The following MAPK8 variants were observed in gnomAD, a reference collection of about 807,000 sequenced individuals.
MAPK8 encodes JUN N-terminal kinase.
MAPK8 carries 13 observed loss-of-function variants against 52.9 expected under a neutral mutation model. The observed-to-expected ratio is 0.25, with a 90% CI of 0.16 to 0.39. The LOEUF (loss-of-function observed/expected upper bound fraction) is 0.39, where lower values mean the gene tolerates loss of function less well. Among genes scored for constraint, MAPK8 ranks in the 10% least tolerant of loss-of-function variants. The pLI, the probability that MAPK8 is intolerant of heterozygous loss-of-function variation, is 1.00. For synonymous variants in MAPK8, 191 were observed against 169.8 expected (o/e 1.12, Z -0.97); for missense variants, 300 against 519.2 (o/e 0.58, Z 4.10).
intron 1 of MAPK8, among the ~76,000 whole-genome samples, chr10:48,394,675 A>G (rs1278131187): frequency 6.6e-6 from 1 of 151,948 alleles, no homozygotes; most frequent in Admixed American, 6.6e-5. Context: ...CTCTCTTAAG[A>G]TCATGAACAG....
At chr10:48,366,787 T>G (rs751800371) in intron 1 of MAPK8, among the ~76,000 whole-genome samples, 14 of 152,184 alleles carry the variant, frequency 9.2e-5, no homozygotes, top group African/African-American at 3.1e-4. Flanking sequence ...TGAAAAATTT[T>G]TTTTCTTTTT....
intron 1 of MAPK8, among the ~76,000 whole-genome samples, chr10:48,396,751 C>T (rs1299444014): frequency 6.6e-6 from 1 of 152,066 alleles, no homozygotes; most frequent in Non-Finnish European, 1.5e-5. Flanking sequence ...TATACCAACA[C>T]CTTGGAGAAT....
intron 1 of MAPK8, among the ~76,000 whole-genome samples, chr10:48,396,707 A>G (rs1319985697): frequency 6.6e-6 from 1 of 152,238 alleles, no homozygotes; most frequent in East Asian, 1.9e-4. Context: ...CATACAATGA[A>G]TAATATTCAG....
chr10:48,415,272 C>T (rs998706516), intron 5 of MAPK8, among the ~76,000 whole-genome samples: 6 of 151,962 alleles, frequency 3.9e-5, no homozygotes, highest in Admixed American at 6.6e-5. Flanking sequence ...GTCCTTAGAC[C>T]GGGGCAGTAA....
chr10:48,412,410 C>G (rs1230523928), intron 5 of MAPK8, among the ~76,000 whole-genome samples: 1 of 151,956 alleles, frequency 6.6e-6, no homozygotes, highest in African/African-American at 2.4e-5. Flanking sequence ...TGGAAGGAAG[C>G]TAAAAAGAAA....
intron 1 of MAPK8, among the ~76,000 whole-genome samples, chr10:48,353,857 C>G (rs1487202102): frequency 6.6e-6 from 1 of 152,000 alleles, no homozygotes; most frequent in East Asian, 1.9e-4. Context: ...TAGTTGTTGC[C>G]AGGGATTAGG....
At chr10:48,331,839 C>T (rs1273354443) in intron 1 of MAPK8, among the ~76,000 whole-genome samples, 1 of 152,080 alleles carries the variant, frequency 6.6e-6, no homozygotes, top group Non-Finnish European at 1.5e-5. Context: ...GGGATAATCC[C>T]AAGTATTTTC....
chr10:48,346,095 C>T (rs1333544868), intron 1 of MAPK8, among the ~76,000 whole-genome samples: 2 of 152,130 alleles, frequency 1.3e-5, no homozygotes, highest in South Asian at 2.1e-4. Context: ...TTCCCTTCAC[C>T]CCCAAGTTCT....
rs572508927 is a variant in MAPK8, at chr10:48,376,268, C to G, written c.-49-25344C>G. On this transcript the variant is annotated intron_variant, in intron 1 of 11. Coordinates refer to ENST00000374189, the MANE Select transcript of MAPK8 (RefSeq NM_001323329.2). ...TGGATTAAAGACTTAAATGTAAGAC[C>G]TAAAACCATAAAAATCCTAGAGGAA... Among the ~76,000 whole-genome samples, 6 of 152,186 alleles carry G rather than the reference C, an allele frequency of 3.9e-5. No individual in the cohort carries two copies. The South Asian group carries it at 1.2e-3, about 32-fold the overall frequency.
At chr10:48,367,327 G>A (rs1301397661) in intron 1 of MAPK8, among the ~76,000 whole-genome samples, 1 of 151,810 alleles carries the variant, frequency 6.6e-6, no homozygotes, top group Non-Finnish European at 1.5e-5. Flanking sequence ...TGCTTGTGCC[G>A]TTGCATTCCA....
chr10:48,365,833 G>A lies in MAPK8; in HGVS notation c.-49-35779G>A, dbSNP rs545762289. On this transcript the variant is annotated intron_variant, in intron 1 of 11. Transcript: ENST00000374189. ...GCATGTCTCATGTGTTACAGTCATGGCATGACAGTTGGATTACAATTATCT... is the reference window on the plus strand; with the variant it reads ...GCATGTCTCATGTGTTACAGTCATGACATGACAGTTGGATTACAATTATCT... 6.7e-4 allele frequency among the ~76,000 whole-genome samples: 102 copies of A among 152,268 alleles called. 2 individuals are homozygous for A. In the South Asian group the frequency reaches 0.017, roughly 26 times the overall value.
chr10:48,394,237 T>C (rs568730619), intron 1 of MAPK8, among the ~76,000 whole-genome samples: 65 of 152,026 alleles, frequency 4.3e-4, no homozygotes, highest in African/African-American at 1.5e-3. Context: ...ATACACTCTT[T>C]CTGAAAATAA....
intron 1 of MAPK8, among the ~76,000 whole-genome samples, chr10:48,344,445 G>A (rs891015341): frequency 6.6e-6 from 1 of 152,150 alleles, no homozygotes; most frequent in African/African-American, 2.4e-5. Flanking sequence ...CATAACCAAA[G>A]CATTTCTTCT....
chr10:48,330,043 T>C (rs117158464), intron 1 of MAPK8, among the ~76,000 whole-genome samples: 8,851 of 152,278 alleles, frequency 0.058, 616 homozygotes, highest in Admixed American at 0.21. Flanking sequence ...TTTATGTATT[T>C]TGTGCACATG....
chr10:48,376,042 T>C lies in MAPK8; in HGVS notation c.-49-25570T>C, dbSNP rs571874511. Among the ~76,000 whole-genome samples the C allele has an allele frequency of 3.3e-5, 5 of 152,176 alleles. No homozygotes were observed. In the East Asian group the frequency reaches 9.7e-4, roughly 29 times the overall value. ...TATGGTACTGATACCAAAACAGATA[T>C]ATAGACCAATGGAACAGAACAGCAG... On this transcript the variant is annotated intron_variant, in intron 1 of 11. Coordinates refer to ENST00000374189, the MANE Select transcript of MAPK8 (RefSeq NM_001323329.2).
chr10:48,351,536 A>C (rs1846327233), intron 1 of MAPK8, among the ~76,000 whole-genome samples: 1 of 152,090 alleles, frequency 6.6e-6, no homozygotes, highest in Non-Finnish European at 1.5e-5. Context: ...AGGAGTCATC[A>C]AGACAGTGCT....
At chr10:48,377,951 A>T (rs2040772839) in intron 1 of MAPK8, among the ~76,000 whole-genome samples, 2 of 152,136 alleles carry the variant, frequency 1.3e-5, no homozygotes, top group African/African-American at 4.8e-5. Flanking sequence ...GTTAGTCTAG[A>T]GCTTGAATAG....
chr10:48,373,301 A>G lies in MAPK8; in HGVS notation c.-49-28311A>G, dbSNP rs577354122. Among the ~76,000 whole-genome samples, 34 of 152,206 alleles carry G rather than the reference A, an allele frequency of 2.2e-4. No homozygotes were observed. In the South Asian group the frequency reaches 6.4e-3, roughly 29 times the overall value. ...AAAAACATACCAAATTGTAAAGACC[A>G]TCAATGCTATGAAGAAACTGCATCA... On this transcript the variant is annotated intron_variant, in intron 1 of 11. Transcript: ENST00000374189.
intron 1 of MAPK8, among the ~76,000 whole-genome samples, chr10:48,307,739 C>T (rs1434433305): frequency 6.6e-6 from 1 of 152,124 alleles, no homozygotes; most frequent in African/African-American, 2.4e-5. Flanking sequence ...AATTCTGGTC[C>T]GTCAGTCCAT....
Sources: gnomAD v4.1 joint callset for allele counts (sites outside exome capture counted in the v4.1 genomes callset) on GRCh38, gnomAD v4.1.1 for gene constraint, MANE v1.5 for transcripts, NCBI Gene and HGNC (gene_info 2026-07-23, HGNC 2026-07-21) for gene names.